Variants in HDAC9 observed in about 807,000 individuals in gnomAD.
HDAC9 encodes MEF-2 interacting transcription repressor (MITR) protein.
In HDAC9, 41 loss-of-function variants were observed where a neutral mutation model predicts 139.4. That is an observed-to-expected ratio of 0.29 (90% CI 0.23 to 0.38). HDAC9 has a LOEUF of 0.38. Ranked by LOEUF, HDAC9 falls within the 10% of genes least tolerant of loss-of-function variation. HDAC9 has a pLI of 1.00. For synonymous variants in HDAC9, 517 were observed against 476.2 expected (o/e 1.09, Z -1.12); for missense variants, 1,147 against 1,297.0 (o/e 0.88, Z 1.78).
At chr7:18,439,911 T>C (rs555895508) in intron 1 of HDAC9, among the ~76,000 whole-genome samples, 2 of 152,318 alleles carry the variant, frequency 1.3e-5, no homozygotes, top group Middle Eastern at 3.4e-3. Context: ...TCTTCTATTT[T>C]TTGAACTGCT....
intron 1 of HDAC9, among the ~76,000 whole-genome samples, chr7:18,119,364 A>G (rs888542601): frequency 2.0e-5 from 3 of 152,214 alleles, no homozygotes; most frequent in Admixed American, 1.3e-4. Flanking sequence ...CAAGCAATGT[A>G]TGTTGGTTAA....
intron 12 of HDAC9, among the ~76,000 whole-genome samples, chr7:18,710,893 C>T (rs190530553): frequency 6.8e-4 from 104 of 152,204 alleles, no homozygotes; most frequent in African/African-American, 2.3e-3. Context: ...TGTATATTTA[C>T]CCATATAAAT....
chr7:18,972,305 C>A (rs1182522281), intron 24 of HDAC9, among the ~76,000 whole-genome samples: 3 of 151,062 alleles, frequency 2.0e-5, no homozygotes, highest in Non-Finnish European at 2.9e-5. Context: ...TGACTTCTTC[C>A]GGATTAGTGT....
chr7:18,691,485 A>G (rs1484443576), intron 12 of HDAC9, among the ~76,000 whole-genome samples: 1 of 151,920 alleles, frequency 6.6e-6, no homozygotes, highest in African/African-American at 2.4e-5. Context: ...TGGGCTGTTA[A>G]TGTCTTGTTA....
At chr7:18,856,944 C>G (rs1482739419) in intron 21 of HDAC9, among the ~76,000 whole-genome samples, 2 of 152,120 alleles carry the variant, frequency 1.3e-5, no homozygotes, top group Non-Finnish European at 2.9e-5. Context: ...CATAAAGTGC[C>G]TTGAAGGAAA....
At chr7:18,850,081 TA>T (rs11327408) in intron 21 of HDAC9, among the ~76,000 whole-genome samples, 3,996 of 82,298 alleles carry the variant, frequency 0.049, 111 homozygotes, top group African/African-American at 0.14. Flanking sequence ...AAAGCCTGAG[TA>T]AAAAAAAAAA....
chr7:18,821,157 T>G (rs1056746025), intron 17 of HDAC9, among the ~76,000 whole-genome samples: 13 of 152,232 alleles, frequency 8.5e-5, no homozygotes, highest in Admixed American at 6.5e-4. Flanking sequence ...GCAAGAAGCC[T>G]ATTTTATAAT....
chr7:18,510,763 G>T (rs550482087), intron 2 of HDAC9, among the ~76,000 whole-genome samples: 4 of 152,158 alleles, frequency 2.6e-5, no homozygotes, highest in Admixed American at 2.6e-4. Flanking sequence ...GAGATATTAA[G>T]GAAATATAGA....
intron 24 of HDAC9, among the ~76,000 whole-genome samples, chr7:18,970,493 C>A (rs927928155): frequency 6.6e-6 from 1 of 152,090 alleles, no homozygotes; most frequent in Non-Finnish European, 1.5e-5. Flanking sequence ...TTTTTATCCC[C>A]ATTTAGCCTC....
chr7:18,724,251 G>A (rs1261840047), intron 12 of HDAC9, among the ~76,000 whole-genome samples: 7 of 151,810 alleles, frequency 4.6e-5, no homozygotes, highest in Non-Finnish European at 7.4e-5. Context: ...ATTGTTGTAC[G>A]AACATCATAG....
At chr7:18,534,592 C>T (rs1055077242) in intron 2 of HDAC9, among the ~76,000 whole-genome samples, 1 of 152,092 alleles carries the variant, frequency 6.6e-6, no homozygotes, top group Admixed American at 6.6e-5. Context: ...TCCTTGCGTA[C>T]TAGTGTCTGC....
chr7:18,905,667 T>C (rs1470724365), intron 22 of HDAC9, among the ~76,000 whole-genome samples: 1 of 152,218 alleles, frequency 6.6e-6, no homozygotes, highest in Non-Finnish European at 1.5e-5. Flanking sequence ...AAGCATTTAT[T>C]GTATGCAGGG....
chr7:18,092,169 T>C (rs1782201999), intron 1 of HDAC9, among the ~76,000 whole-genome samples: 1 of 152,092 alleles, frequency 6.6e-6, no homozygotes, highest in Non-Finnish European at 1.5e-5. Context: ...ATGAACTGCT[T>C]GAGTCCAGGA....
chr7:18,162,387 A>T lies in HDAC9; in HGVS notation c.25+38A>T, dbSNP rs1283316028. The T allele has an allele frequency of 7.3e-6, 11 of 1,504,620 alleles. No homozygotes were observed. The African/African-American group carries it at 8.3e-5, about 11-fold the overall frequency. The allele number at this position is 1,504,620 out of a possible 1,614,324, so 93.2% of individuals were successfully genotyped here. ...GCTTCTTAAACTGTTAATAGACTTC[A>T]TGTGAAAGATGTTGCTTTGTGTTGT... On this transcript the variant is annotated intron_variant, in intron 2 of 12. Coordinates refer to the HDAC9 transcript ENST00000417496.
intron 1 of HDAC9, among the ~76,000 whole-genome samples, chr7:18,346,971 G>A (rs7781749): frequency 6.6e-6 from 1 of 152,024 alleles, no homozygotes; most frequent in Admixed American, 6.6e-5. Flanking sequence ...TCATAGGAGA[G>A]GCTGGCGGCA....
At chr7:18,225,031 A>C (rs932914713) in intron 2 of HDAC9, among the ~76,000 whole-genome samples, 3 of 152,106 alleles carry the variant, frequency 2.0e-5, no homozygotes, top group East Asian at 1.9e-4. Flanking sequence ...TTAAAAAAAA[A>C]CCCTCACTGA....
intron 17 of HDAC9, among the ~76,000 whole-genome samples, chr7:18,807,776 G>C (rs1793836973): frequency 6.6e-6 from 1 of 151,952 alleles, no homozygotes; most frequent in South Asian, 2.1e-4. Context: ...TACTCTTGTG[G>C]TCAGAAAAGA....
chr7:18,440,778 C>T (rs1005011233), intron 1 of HDAC9, among the ~76,000 whole-genome samples: 4 of 152,066 alleles, frequency 2.6e-5, no homozygotes, highest in Non-Finnish European at 5.9e-5. Context: ...ACTTTGTTTG[C>T]CATAATAAAC....
chr7:18,468,363 T>C (rs915915620), intron 1 of HDAC9, among the ~76,000 whole-genome samples: 2 of 152,224 alleles, frequency 1.3e-5, no homozygotes, highest in South Asian at 4.1e-4. Context: ...TATTTTATTC[T>C]TTGTGTTACA....
Sources: gnomAD v4.1 joint callset for allele counts (sites outside exome capture counted in the v4.1 genomes callset) on GRCh38, gnomAD v4.1.1 for gene constraint, MANE v1.5 for transcripts, NCBI Gene and HGNC (gene_info 2026-07-23, HGNC 2026-07-21) for gene names.